OXR1: variants seen among roughly 807,000 people sequenced by gnomAD.
The protein encoded by OXR1 is oxidation resistance 1, also known as oxidation resistance protein 1.
OXR1 carries 41 observed loss-of-function variants against 104.6 expected under a neutral mutation model. The ratio of observed to expected loss-of-function variants is 0.39; its 90% CI spans 0.31 to 0.51. OXR1 has a LOEUF of 0.51. OXR1 is among the 20% of genes least tolerant of loss of function. The pLI is 0.77. For synonymous variants in OXR1, 348 were observed against 348.4 expected (o/e 1.00, Z 0.01); for missense variants, 955 against 1,031.9 (o/e 0.93, Z 1.02).
At chr8:106,349,875 G>A (rs184791110) in intron 1 of OXR1, among the ~76,000 whole-genome samples, 10 of 152,270 alleles carry the variant, frequency 6.6e-5, no homozygotes, top group South Asian at 2.1e-4. Context: ...ACAAGTGGGC[G>A]GAGTGGAGTC....
chr8:106,501,026 A>G (rs16874781), intron 2 of OXR1, among the ~76,000 whole-genome samples: 1 of 152,174 alleles, frequency 6.6e-6, no homozygotes, highest in Non-Finnish European at 1.5e-5. Context: ...TCTTTCTGAA[A>G]GGGAATTGTG....
At chr8:106,723,797 T>C (rs1466269743) in intron 11 of OXR1, among the ~76,000 whole-genome samples, 1 of 152,154 alleles carries the variant, frequency 6.6e-6, no homozygotes, top group Non-Finnish European at 1.5e-5. Context: ...TTAAATTTAT[T>C]ATTATTTTTT....
intron 3 of OXR1, among the ~76,000 whole-genome samples, chr8:106,595,749 G>A (rs1325625708): frequency 6.6e-6 from 1 of 152,016 alleles, no homozygotes; most frequent in East Asian, 1.9e-4. Flanking sequence ...TAGAGATGCA[G>A]CATATCCCAT....
chr8:106,666,389 A>G (rs916042362), intron 3 of OXR1, among the ~76,000 whole-genome samples: 24 of 152,326 alleles, frequency 1.6e-4, no homozygotes, highest in Non-Finnish European at 2.2e-4. Context: ...TGGATTGAGA[A>G]AATTGGATTC....
chr8:106,303,975 T>C (rs986473883), intron 1 of OXR1, among the ~76,000 whole-genome samples: 3 of 152,232 alleles, frequency 2.0e-5, no homozygotes, highest in Non-Finnish European at 4.4e-5. Flanking sequence ...ATGCCTTATG[T>C]ATTTCATTAA....
rs1009172072 is a variant in OXR1, at chr8:106,452,957, A to G, written c.24-65986A>G. ...CGAACTTCTCCCACTATTGATAGGC[A>G]TCTTGTACTAAGCCATAGCCATATA... On this transcript the variant is annotated intron_variant, in intron 2 of 16. Transcript: ENST00000517566. Among the ~76,000 whole-genome samples, 6 of 152,156 alleles carry G rather than the reference A, an allele frequency of 3.9e-5. No homozygotes were observed. The East Asian group carries it at 9.7e-4, about 24-fold the overall frequency.
At chr8:106,384,432 G>A (rs16874483) in intron 2 of OXR1, among the ~76,000 whole-genome samples, 1 of 152,038 alleles carries the variant, frequency 6.6e-6, no homozygotes, top group Non-Finnish European at 1.5e-5. Context: ...AGCAGTTGCC[G>A]GTCCTTGACA....
chr8:106,440,441 T>C (rs1465284477), intron 2 of OXR1, among the ~76,000 whole-genome samples: 2 of 152,142 alleles, frequency 1.3e-5, no homozygotes, highest in Non-Finnish European at 2.9e-5. Flanking sequence ...AGAAATTATA[T>C]GGTATATTAT....
chr8:106,680,783 A>G (rs898769321), intron 4 of OXR1, among the ~76,000 whole-genome samples: 5 of 152,072 alleles, frequency 3.3e-5, no homozygotes, highest in African/African-American at 1.2e-4. Context: ...CTATCACTTC[A>G]TACTAAACAA....
chr8:106,708,549 G>T (rs1160086626), intron 9 of OXR1, among the ~76,000 whole-genome samples: 1 of 152,064 alleles, frequency 6.6e-6, no homozygotes, highest in Non-Finnish European at 1.5e-5. Flanking sequence ...TTGATGTTTG[G>T]CTTATTTCAC....
At chr8:106,566,848 A>C (rs1471734515) in intron 3 of OXR1, among the ~76,000 whole-genome samples, 1 of 152,214 alleles carries the variant, frequency 6.6e-6, no homozygotes, top group African/African-American at 2.4e-5. Flanking sequence ...CATCATTCTC[A>C]GCAAACTAAC....
chr8:106,590,518 C>T (rs1396941289), intron 3 of OXR1, among the ~76,000 whole-genome samples: 2 of 152,168 alleles, frequency 1.3e-5, no homozygotes, highest in African/African-American at 4.8e-5. Context: ...AATCTCCTGA[C>T]CTCATGGTCT....
chr8:106,735,935 A>G (rs1834326235), intron 11 of OXR1, among the ~76,000 whole-genome samples: 1 of 152,180 alleles, frequency 6.6e-6, no homozygotes, highest in African/African-American at 2.4e-5. Flanking sequence ...ATTAATAAGG[A>G]GGCTCTTTGG....
chr8:106,651,394 C>T (rs967158652), intron 3 of OXR1, among the ~76,000 whole-genome samples: 15 of 152,150 alleles, frequency 9.9e-5, no homozygotes, highest in African/African-American at 3.4e-4. Flanking sequence ...AGTTTTAAGT[C>T]ATACACTTAT....
chr8:106,549,553 G>A (rs532231205), intron 3 of OXR1, among the ~76,000 whole-genome samples: 11 of 152,050 alleles, frequency 7.2e-5, no homozygotes, highest in Admixed American at 3.3e-4. Context: ...ATCTTAATCC[G>A]TTCAGACTGC....
chr8:106,471,186 G>C (rs1213008351), intron 2 of OXR1, among the ~76,000 whole-genome samples: 1 of 151,632 alleles, frequency 6.6e-6, no homozygotes, highest in African/African-American at 2.4e-5. Context: ...AAAGGGAAGG[G>C]TGGATTATAG....
At chr8:106,676,458 A>G (rs1301889352) in intron 3 of OXR1, among the ~76,000 whole-genome samples, 5 of 151,922 alleles carry the variant, frequency 3.3e-5, no homozygotes, top group African/African-American at 1.2e-4. Flanking sequence ...TTTCCTTTCC[A>G]TATTTTAGGG....
intron 3 of OXR1, among the ~76,000 whole-genome samples, chr8:106,619,148 A>G (rs1200118143): frequency 6.6e-6 from 1 of 152,206 alleles, no homozygotes; most frequent in East Asian, 1.9e-4. Flanking sequence ...CTCAATCACA[A>G]GCAACTGTGT....
At chr8:106,649,855 C>A (rs556340314) in intron 3 of OXR1, among the ~76,000 whole-genome samples, 3 of 152,042 alleles carry the variant, frequency 2.0e-5, no homozygotes, top group African/African-American at 7.3e-5. Context: ...CACCGCCACG[C>A]CCAGCTAATT....
Sources: allele counts gnomAD v4.1 joint callset (sites outside exome capture counted in the v4.1 genomes callset), GRCh38; gene constraint gnomAD v4.1.1; transcripts MANE v1.5; gene names NCBI Gene and HGNC (gene_info 2026-07-23, HGNC 2026-07-21).